Variants in KAT6B observed in about 807,000 individuals in gnomAD.
KAT6B encodes histone acetyltransferase KAT6B.
In KAT6B, 10 loss-of-function variants were observed where a neutral mutation model predicts 187.5. The ratio of observed to expected loss-of-function variants is 0.05; its 90% CI spans 0.03 to 0.09. The LOEUF (loss-of-function observed/expected upper bound fraction) is 0.09. Ranked by LOEUF, KAT6B falls within the 10% of genes least tolerant of loss-of-function variation. The pLI, the probability that KAT6B is intolerant of heterozygous loss-of-function variation, is 1.00. For synonymous variants in KAT6B, 861 were observed against 926.8 expected, an observed-to-expected ratio of 0.93 and a Z score of 1.29; for missense variants, 1,952 against 2,558.9, an observed-to-expected ratio of 0.76 and a Z score of 5.12.
chr10:74,871,493 C>T (rs923621298), intron 3 of KAT6B, among the ~76,000 whole-genome samples: 1 of 152,128 alleles, frequency 6.6e-6, no homozygotes, highest in Non-Finnish European at 1.5e-5. Flanking sequence ...ATGCCTAGCC[C>T]TCATATGGTT....
intron 3 of KAT6B, among the ~76,000 whole-genome samples, chr10:74,924,252 T>C (rs1457449988): frequency 6.6e-6 from 1 of 152,200 alleles, no homozygotes; most frequent in Non-Finnish European, 1.5e-5. Flanking sequence ...CCTGATTTGC[T>C]TTTACCCTGA....
chr10:74,971,798 A>G (rs769948823), intron 6 of KAT6B, among the ~76,000 whole-genome samples: 8 of 152,152 alleles, frequency 5.3e-5, no homozygotes, highest in Non-Finnish European at 1.0e-4. Flanking sequence ...TCATATTACA[A>G]TATTCATCTG....
chr10:74,939,650 C>T (rs1412511608), intron 3 of KAT6B, among the ~76,000 whole-genome samples: 6 of 152,200 alleles, frequency 3.9e-5, no homozygotes, highest in East Asian at 3.9e-4. Flanking sequence ...TCGCCCGCCT[C>T]GGCCTCCCAA....
chr10:75,007,945 C>G (rs1326340447), intron 13 of KAT6B, among the ~76,000 whole-genome samples: 2 of 152,170 alleles, frequency 1.3e-5, no homozygotes, highest in Non-Finnish European at 2.9e-5. Context: ...GGCATCAACT[C>G]CATGTCAGCC....
intron 3 of KAT6B, among the ~76,000 whole-genome samples, chr10:74,843,774 C>A (rs1272817260): frequency 1.3e-5 from 2 of 151,386 alleles, no homozygotes; most frequent in African/African-American, 2.5e-5. Flanking sequence ...CTTTCTTCAT[C>A]CAGGCAGGGT....
rs78990973 is a variant in KAT6B at position 74,889,480 on chromosome 10, G to A, written c.621+46002G>A. Among the ~76,000 whole-genome samples, 231 of 152,226 alleles carry A rather than the reference G, an allele frequency of 1.5e-3. 5 individuals carry two copies. The East Asian group carries it at 0.035, about 23-fold the overall frequency. On this transcript the variant is annotated intron_variant, in intron 3 of 17. Transcript: ENST00000287239. Reference sequence around the variant, plus strand: ...TGAGGTCCAAGAGAAGGGAGGAGCCGAACTCCAGAATTCAGGGCCAGTTGC... The same window carrying A: ...TGAGGTCCAAGAGAAGGGAGGAGCCAAACTCCAGAATTCAGGGCCAGTTGC...
At chr10:75,004,051 G>A (rs1469424263) in intron 13 of KAT6B, among the ~76,000 whole-genome samples, 1 of 150,374 alleles carries the variant, frequency 6.7e-6, no homozygotes, top group African/African-American at 2.4e-5. Flanking sequence ...CATGCAGGTG[G>A]TTGGTTTTTT....
intron 13 of KAT6B, among the ~76,000 whole-genome samples, chr10:75,018,989 G>A (rs561772420): frequency 6.6e-6 from 1 of 152,312 alleles, no homozygotes; most frequent in South Asian, 2.1e-4. Context: ...TGTATTCTGA[G>A]GTGTGGGCTC....
chr10:75,007,283 C>T (rs191290764), intron 13 of KAT6B, among the ~76,000 whole-genome samples: 2 of 152,070 alleles, frequency 1.3e-5, no homozygotes, highest in East Asian at 3.9e-4. Context: ...ATCTAGTTAC[C>T]ATTTTGCAAG....
intron 3 of KAT6B, among the ~76,000 whole-genome samples, chr10:74,926,135 G>C (rs114704606): frequency 6.6e-6 from 1 of 152,264 alleles, no homozygotes; most frequent in African/African-American, 2.4e-5. Context: ...TCAAAAATGG[G>C]ATATGTTATT....
intron 3 of KAT6B, among the ~76,000 whole-genome samples, chr10:74,901,257 C>T (rs564317762): frequency 2.2e-4 from 34 of 152,252 alleles, no homozygotes; most frequent in Admixed American, 1.3e-3. Context: ...CTTAACTTCA[C>T]GGAGGTTTTC....
intron 1 of KAT6B, among the ~76,000 whole-genome samples, chr10:74,836,758 A>C (rs982074936): frequency 6.6e-6 from 1 of 152,204 alleles, no homozygotes; most frequent in African/African-American, 2.4e-5. Context: ...CCCTTCCCCT[A>C]AACAGTTCTG....
At chr10:74,927,673 A>C (rs1331275927) in intron 3 of KAT6B, among the ~76,000 whole-genome samples, 1 of 151,860 alleles carries the variant, frequency 6.6e-6, no homozygotes, top group Admixed American at 6.6e-5. Flanking sequence ...TTTCTCTCTC[A>C]TGCTAGCTTG....
At chr10:74,979,169 C>A in intron 9 of KAT6B, 55 bp from the exon 10 acceptor site, 5 of 1,305,660 alleles carry the variant, frequency 3.8e-6, no homozygotes, top group East Asian at 2.5e-5. Context: ...GTGAAAGAAC[C>A]AAAATGTAAG....
chr10:74,865,024 T>C (rs1378086081), intron 3 of KAT6B, among the ~76,000 whole-genome samples: 1 of 152,260 alleles, frequency 6.6e-6, no homozygotes, highest in Non-Finnish European at 1.5e-5. Context: ...GAAAAAGTTC[T>C]AATAGCAGAA....
chr10:74,861,583 G>C (rs1481934532), intron 3 of KAT6B, among the ~76,000 whole-genome samples: 3 of 152,194 alleles, frequency 2.0e-5, no homozygotes, highest in African/African-American at 7.2e-5. Context: ...ATGTGGTAGA[G>C]CTGGAGCCAG....
chr10:74,886,629 A>G (rs975652297), intron 3 of KAT6B, among the ~76,000 whole-genome samples: 5 of 152,026 alleles, frequency 3.3e-5, no homozygotes, highest in Non-Finnish European at 7.4e-5. Flanking sequence ...TTAGGTGGAA[A>G]CCCAGGGGCA....
intron 13 of KAT6B, among the ~76,000 whole-genome samples, chr10:75,004,874 A>AG (rs1434993250): frequency 6.2e-5 from 9 of 146,026 alleles, no homozygotes; most frequent in South Asian, 2.3e-4. Flanking sequence ...GCCATTTTTC[A>AG]GGGGGAGGGG....
intron 4 of KAT6B, among the ~76,000 whole-genome samples, chr10:74,962,763 A>G (rs960050488): frequency 2.0e-5 from 3 of 152,142 alleles, no homozygotes; most frequent in Non-Finnish European, 4.4e-5. Context: ...TGCTTACATC[A>G]TAAAGTAAAG....
Sources: allele counts gnomAD v4.1 joint callset (sites outside exome capture counted in the v4.1 genomes callset), GRCh38; gene constraint gnomAD v4.1.1; transcripts MANE v1.5; gene names NCBI Gene and HGNC (gene_info 2026-07-23, HGNC 2026-07-21).